USP42: variants seen among roughly 807,000 people sequenced by gnomAD.
The protein encoded by USP42 is ubiquitin specific peptidase 42.
In USP42, 23 loss-of-function variants were observed where a neutral mutation model predicts 113.0. That is an observed-to-expected ratio of 0.20 (90% CI 0.15 to 0.29). USP42 has a LOEUF of 0.29. Ranked by LOEUF, USP42 falls within the 10% of genes least tolerant of loss-of-function variation. USP42 has a pLI of 1.00. For missense variants in USP42, 2,174 were observed against 1,779.8 expected (o/e 1.22, Z -3.99); for synonymous variants, 933 against 699.0 (o/e 1.33, Z -5.28).
intron 3 of USP42, among the ~76,000 whole-genome samples, chr7:6,121,368 G>T (rs1022814334): frequency 6.6e-6 from 1 of 151,786 alleles, no homozygotes; most frequent in Non-Finnish European, 1.5e-5. Context: ...ACTTGGTCAT[G>T]ATGCATTATT....
At chr7:6,152,902 A>G (rs1013469656) in intron 14 of USP42, 14 of 984,908 alleles carry the variant, frequency 1.4e-5, no homozygotes, top group Admixed American at 6.1e-5. Context: ...AATCAGAGAA[A>G]GGGAGTCGAG....
rs759139011 is a variant in USP42 at position 6,156,823 on chromosome 7, G to A, written c.3711G>A (p.Lys1237=). Residue 1237 remains lysine (K), a synonymous_variant, in exon 16 of 18, where the codon AAG becomes AAA. Transcript: ENST00000306177. Reference sequence around the variant, plus strand: ...ACCTCCACAGACACAAAAAAAAGAAGAAGAAAAAGAAGAGACATTCAAGAA... The same window carrying A: ...ACCTCCACAGACACAAAAAAAAGAAAAAGAAAAAGAAGAGACATTCAAGAA... ...DADLHRHKKK[K]KKKKRHSRKS... is the part of the protein sequence containing the mutation. 8 of 1,608,028 alleles carry A rather than the reference G, an allele frequency of 5.0e-6. No homozygotes were observed. The highest frequency in any genetic ancestry group is 6.8e-6 in the Non-Finnish European group (8 of 1,178,280).
At position 6,155,083 on chromosome 7, in the gene USP42, A is replaced by C; in HGVS notation, c.3529A>C (p.Lys1177Gln). Residue 1177 changes from lysine (K) to glutamine (Q), a missense_variant, in exon 15 of 18, where the codon AAA (lysine) becomes CAA (glutamine). Lys to Gln is a moderately conservative substitution (Grantham distance 53). Coordinates refer to ENST00000306177, the MANE Select transcript of USP42 (RefSeq NM_032172.3). ...GAACAGTGACAGTCATGTTGAAAAGAAAGCCCGGAGGAGCGAACAGAAGGA... is the reference window on the plus strand; with the variant it reads ...GAACAGTGACAGTCATGTTGAAAAGCAAGCCCGGAGGAGCGAACAGAAGGA... ...VENSDSHVEK[K>Q]ARRSEQKDPL... 1 of 1,562,286 alleles carries C rather than the reference A, an allele frequency of 6.4e-7. No individual in the cohort carries two copies. Among genetic ancestry groups the C allele is most frequent in the Non-Finnish European group, 8.7e-7 (1 of 1,153,382 alleles).
chr7:6,147,705 G>C, intron 11 of USP42, 34 bp from the exon 12 acceptor site: 1 of 1,543,350 alleles, frequency 6.5e-7, no homozygotes, highest in Non-Finnish European at 8.8e-7. Context: ...GAGGTGTCCT[G>C]TGTCACCCTA....
intron 2 of USP42, among the ~76,000 whole-genome samples, chr7:6,114,455 C>T (rs528032937): frequency 1.2e-3 from 187 of 151,910 alleles, no homozygotes; most frequent in Non-Finnish European, 1.9e-3. Flanking sequence ...CTCCTTATCT[C>T]CCCACGACAT....
the USP42 span, among the ~76,000 whole-genome samples, chr7:6,089,821 G>A: frequency 4.0e-5 from 6 of 150,656 alleles, no homozygotes; most frequent in South Asian, 2.1e-4. Flanking sequence ...GTGAGCTACC[G>A]CGCCCAGCCT....
intron 3 of USP42, among the ~76,000 whole-genome samples, chr7:6,120,725 A>G (rs1780179771): frequency 6.6e-6 from 1 of 151,896 alleles, no homozygotes; most frequent in South Asian, 2.1e-4. Flanking sequence ...CTGAGATTAC[A>G]GGTGCCCACC....
chr7:6,122,680 A>T (rs771749588), intron 3 of USP42, among the ~76,000 whole-genome samples: 1 of 151,766 alleles, frequency 6.6e-6, no homozygotes, highest in Non-Finnish European at 1.5e-5. Context: ...CATGTTGGCC[A>T]GGATGGTCTC....
chr7:6,098,742 C>T, the USP42 span, among the ~76,000 whole-genome samples: 4 of 150,158 alleles, frequency 2.7e-5, no homozygotes, highest in African/African-American at 9.9e-5. Flanking sequence ...GACGGGGTTT[C>T]ACCATGTTGG....
At position 6,159,548 on chromosome 7, in the gene USP42, C is replaced by T. The variant is rs1782654196; in HGVS notation, c.*36+55C>T. On this transcript the variant is annotated intron_variant, in intron 17 of 17. Transcript: ENST00000306177. The surrounding 1 kb of genome is among the most constrained non-coding windows in gnomAD (Gnocchi z 4.1). ...TGTTTGTGGTGGCGCTGAGGGGACG[C>T]AGGCAGAGGAGTTTTAATTCTGCGG... The T allele has an allele frequency of 3.9e-6, 6 of 1,544,738 alleles. No individual in the cohort carries two copies. In the South Asian group the frequency reaches 5.6e-5, roughly 14 times the overall value.
chr7:6,131,694 A>G (rs1228271168), intron 3 of USP42, among the ~76,000 whole-genome samples: 1 of 152,108 alleles, frequency 6.6e-6, no homozygotes, highest in Non-Finnish European at 1.5e-5. Flanking sequence ...CTGGACTAGA[A>G]GAAGCACAAA....
the USP42 span, among the ~76,000 whole-genome samples, chr7:6,095,484 A>G: frequency 2.0e-5 from 3 of 151,134 alleles, no homozygotes; most frequent in African/African-American, 4.9e-5. Flanking sequence ...CCTCGCCAAC[A>G]TAGTGAAACC....
At chr7:6,106,155 T>C (rs1389162201) in intron 1 of USP42, among the ~76,000 whole-genome samples, 1 of 152,272 alleles carries the variant, frequency 6.6e-6, no homozygotes, top group Non-Finnish European at 1.5e-5. Flanking sequence ...CTCTTCTGTA[T>C]CTTTGAATCA....
In USP42 at chr7:6,147,928, A is replaced by C. The variant is rs571557555; in HGVS notation, c.1386+36A>C. 3.2e-6 allele frequency: 5 copies of C among 1,556,790 alleles called. No individual in the cohort carries two copies. The African/African-American group carries it at 6.8e-5, about 21-fold the overall frequency. Reference sequence around the variant, plus strand: ...TTAGGGAGAAGAACATTTTTATGTTAATTTTTAAAATGTAACTTCAAACTC... The same window carrying C: ...TTAGGGAGAAGAACATTTTTATGTTCATTTTTAAAATGTAACTTCAAACTC... On this transcript the variant is annotated intron_variant, in intron 12 of 17. Transcript: ENST00000306177.
At chr7:6,116,534 A>C in intron 3 of USP42, 1 of 305,140 alleles carries the variant, frequency 3.3e-6, no homozygotes, top group Non-Finnish European at 6.2e-6. Flanking sequence ...TTCTGGGGCT[A>C]TTAGTTACTA....
At chr7:6,107,460 A>C in intron 1 of USP42, among the ~76,000 whole-genome samples, 1 of 134,114 alleles carries the variant, frequency 7.5e-6, no homozygotes, top group East Asian at 2.1e-4. Flanking sequence ...CCCAGGCTGG[A>C]GGGCAATGGC....
chr7:6,114,463 C>G (rs1779767059), intron 2 of USP42, among the ~76,000 whole-genome samples: 1 of 151,860 alleles, frequency 6.6e-6, no homozygotes, highest in Admixed American at 6.6e-5. Context: ...CTCCCCACGA[C>G]ATTATCTCAA....
chr7:6,125,437 C>T (rs540356017), intron 3 of USP42, among the ~76,000 whole-genome samples: 7 of 152,196 alleles, frequency 4.6e-5, no homozygotes, highest in African/African-American at 1.7e-4. Context: ...TTGCAGTGAG[C>T]CAAGAACACA....
intron 4 of USP42, among the ~76,000 whole-genome samples, chr7:6,138,760 G>A (rs1583644605): frequency 6.6e-6 from 1 of 152,194 alleles, no homozygotes; most frequent in Non-Finnish European, 1.5e-5. Context: ...TGAACTGTGT[G>A]TGCATGGGAT....
Sources: gnomAD v4.1 joint callset for allele counts (sites outside exome capture counted in the v4.1 genomes callset) on GRCh38, gnomAD v4.1.1 for gene constraint, Gnocchi (gnomAD v3.1) non-coding constraint, MANE v1.5 for transcripts, NCBI Gene and HGNC (gene_info 2026-07-23, HGNC 2026-07-21) for gene names.